The following SPAG17 variants were observed in gnomAD, a reference collection of about 807,000 sequenced individuals.
The protein encoded by SPAG17 is sperm-associated antigen 17.
A neutral mutation model predicts 273.6 loss-of-function variants in SPAG17; 169 were observed. The ratio of observed to expected loss-of-function variants is 0.62; its 90% CI spans 0.55 to 0.70. The LOEUF (loss-of-function observed/expected upper bound fraction) is 0.70. Among genes scored for constraint, SPAG17 ranks in the 30% least tolerant of loss-of-function variants. The pLI is 0.00. For synonymous variants in SPAG17, 825 were observed against 873.2 expected (o/e 0.94, Z 0.97); for missense variants, 2,557 against 2,627.8 (o/e 0.97, Z 0.59).
intron 48 of SPAG17, among the ~76,000 whole-genome samples, chr1:117,954,309 GT>G (rs1231558048): frequency 6.6e-6 from 1 of 152,036 alleles, no homozygotes; most frequent in Non-Finnish European, 1.5e-5. Flanking sequence ...ACAGATTGAG[GT>G]GATTATTGTC....
intron 5 of SPAG17, among the ~76,000 whole-genome samples, chr1:118,100,985 T>A (rs1173172053): frequency 6.6e-6 from 1 of 152,216 alleles, no homozygotes; most frequent in African/African-American, 2.4e-5. Context: ...CTTTTTATTT[T>A]GCTTTATAAT....
chr1:117,979,967 C>T (rs1655594316), intron 43 of SPAG17, among the ~76,000 whole-genome samples: 1 of 152,132 alleles, frequency 6.6e-6, no homozygotes, highest in African/African-American at 2.4e-5. Flanking sequence ...TTTATTACAA[C>T]CTGAATTTAT....
At chr1:118,073,516 GA>G (rs1317358184) in intron 17 of SPAG17, among the ~76,000 whole-genome samples, 1 of 151,846 alleles carries the variant, frequency 6.6e-6, no homozygotes, top group East Asian at 1.9e-4. Flanking sequence ...AAACAATATG[GA>G]AAAAAATAAG....
intron 3 of SPAG17, among the ~76,000 whole-genome samples, chr1:118,128,048 G>A (rs970400118): frequency 8.5e-5 from 13 of 152,048 alleles, no homozygotes; most frequent in East Asian, 3.9e-4. Flanking sequence ...CTTGAATCCC[G>A]GAGGCGGATG....
chr1:117,974,123 A>G (rs1245160186), intron 43 of SPAG17, among the ~76,000 whole-genome samples: 1 of 152,190 alleles, frequency 6.6e-6, no homozygotes, highest in Non-Finnish European at 1.5e-5. Context: ...TACTGCAGTG[A>G]ACATGTGAGT....
At position 118,005,414 on chromosome 1, in the gene SPAG17, C is replaced by T. The variant is rs1658776177; in HGVS notation, c.4776G>A (p.Gln1592=). ...EVLDPEGNTF[Q]VMADGSISTI... is the part of the protein sequence containing the mutation. The stretch of plus-strand genomic sequence containing the variant: ...TCTCCATACCAAAGGTGCACTTTAC[C>T]TGAAAAGTGTTTCCCTCAGGATCCA... The change falls in exon 32 of 49, where the codon CAG becomes CAA. Residue 1592 remains glutamine, a splice_region_variant and synonymous_variant. Transcript: ENST00000336338. 6.2e-7 allele frequency: 1 copy of T among 1,601,454 alleles called. No homozygotes were observed. Among genetic ancestry groups the T allele is most frequent in the Non-Finnish European group, 8.5e-7 (1 of 1,174,688 alleles).
At chr1:118,027,428 G>C (rs115933644) in intron 26 of SPAG17, among the ~76,000 whole-genome samples, 1 of 152,230 alleles carries the variant, frequency 6.6e-6, no homozygotes, top group African/African-American at 2.4e-5. Flanking sequence ...TATACATAAG[G>C]GAATTATATA....
intron 13 of SPAG17, among the ~76,000 whole-genome samples, chr1:118,083,160 C>T (rs1167658237): frequency 6.6e-6 from 1 of 151,904 alleles, no homozygotes; most frequent in East Asian, 1.9e-4. Flanking sequence ...TTTGCCATGT[C>T]GGCCAGGCTG....
intron 3 of SPAG17, among the ~76,000 whole-genome samples, chr1:118,125,883 A>G (rs939748984): frequency 1.3e-5 from 2 of 152,274 alleles, no homozygotes; most frequent in Admixed American, 6.5e-5. Flanking sequence ...CTTTGGATAA[A>G]TACCTAATAG....
At chr1:118,078,932 TATC>T (rs1356822784) in intron 15 of SPAG17, among the ~76,000 whole-genome samples, 2 of 152,060 alleles carry the variant, frequency 1.3e-5, no homozygotes. Flanking sequence ...GATATATGAT[TATC>T]ATTTAGTATA....
chr1:118,006,992 G>C (rs1658962851), intron 31 of SPAG17, among the ~76,000 whole-genome samples: 1 of 151,614 alleles, frequency 6.6e-6, no homozygotes, highest in Non-Finnish European at 1.5e-5. Flanking sequence ...AAGTTGTAGG[G>C]TACTCTGTAC....
intron 1 of SPAG17, among the ~76,000 whole-genome samples, chr1:118,161,238 T>C (rs1408032626): frequency 1.3e-5 from 2 of 152,210 alleles, no homozygotes; most frequent in Non-Finnish European, 2.9e-5. Context: ...AGGGAATTAG[T>C]GTCCAGAGCT....
Position 117,980,750 on chromosome 1 carries a change from G to A in SPAG17, c.6004+520C>T, listed in dbSNP as rs75441265. Among the ~76,000 whole-genome samples the A allele has an allele frequency of 1.7e-4, 26 of 152,296 alleles. No homozygotes were observed. The East Asian group carries it at 4.8e-3, about 28-fold the overall frequency. On this transcript the variant is annotated intron_variant, in intron 43 of 48. Transcript: ENST00000336338. Reference sequence around the variant, plus strand: ...ATTATCTTAGCGAAATTAGCATAATGTGACTCCACTGTAACTAGATATTAT... The same window carrying A: ...ATTATCTTAGCGAAATTAGCATAATATGACTCCACTGTAACTAGATATTAT...
intron 48 of SPAG17, chr1:117,960,023 A>G (rs1652821460): frequency 6.6e-6 from 1 of 152,144 alleles, no homozygotes; most frequent in South Asian, 2.1e-4. Context: ...CTAACTGTTT[A>G]TACTTTTCTG....
chr1:118,097,621 A>T (rs747633392), intron 7 of SPAG17, 49 bp downstream of exon 7: 2 of 1,415,846 alleles, frequency 1.4e-6, no homozygotes, highest in South Asian at 3.1e-5. Context: ...AAATAGAACC[A>T]CTGTGTCACA....
intron 48 of SPAG17, among the ~76,000 whole-genome samples, chr1:117,955,624 A>G (rs1652081194): frequency 1.3e-5 from 2 of 152,144 alleles, no homozygotes; most frequent in Non-Finnish European, 2.9e-5. Context: ...ATATAATTCA[A>G]TTAGAAGCAC....
chr1:117,981,459 A>G lies in SPAG17; in HGVS notation c.5873-58T>C. The G allele has an allele frequency of 2.6e-6, 4 of 1,513,712 alleles. No homozygotes were observed. In the South Asian group the frequency reaches 5.2e-5, roughly 20 times the overall value. The allele number at this position is 1,513,712 out of a possible 1,614,324, so 93.8% of individuals were successfully genotyped here. A position where few individuals can be genotyped will look rare whatever the true frequency, so the allele number is the denominator to read the frequency against. On this transcript the variant is annotated intron_variant, in intron 42 of 48. Transcript: ENST00000336338. ...TATTTTGTAAAATGATATAATGACT[A>G]CTAATGTTTGCATGAACAAACATTG...
At chr1:118,090,344 T>A (rs1450171607) in intron 10 of SPAG17, among the ~76,000 whole-genome samples, 1 of 152,168 alleles carries the variant, frequency 6.6e-6, no homozygotes, top group Non-Finnish European at 1.5e-5. Flanking sequence ...AAATGCCTAC[T>A]GATTATAATG....
At chr1:117,978,363 T>A (rs1655363245) in intron 43 of SPAG17, among the ~76,000 whole-genome samples, 1 of 152,204 alleles carries the variant, frequency 6.6e-6, no homozygotes, top group Non-Finnish European at 1.5e-5. Flanking sequence ...ACCTTATTCA[T>A]ATCTAAGGTT....
Sources: allele counts gnomAD v4.1 joint callset (sites outside exome capture counted in the v4.1 genomes callset), GRCh38; gene constraint gnomAD v4.1.1; transcripts MANE v1.5; gene names NCBI Gene and HGNC (gene_info 2026-07-23, HGNC 2026-07-21).